Variants in TOP1 observed in about 807,000 individuals in gnomAD.
TOP1 encodes the protein DNA topoisomerase 1.
Under a neutral mutation model 111.1 loss-of-function variants are expected in TOP1, and 10 were observed. The observed-to-expected ratio is 0.09, with a 90% confidence interval of 0.06 to 0.15. TOP1 has a LOEUF of 0.15. Ranked by LOEUF, TOP1 falls within the 10% of genes least tolerant of loss-of-function variation. TOP1 has a pLI of 1.00. For missense variants in TOP1, 474 were observed against 926.7 expected (o/e 0.51, Z 6.34); for synonymous variants, 271 against 302.9 (o/e 0.89, Z 1.10).
intron 8 of TOP1, among the ~76,000 whole-genome samples, chr20:41,090,133 C>A (rs901504871): frequency 1.3e-5 from 2 of 152,018 alleles, no homozygotes; most frequent in African/African-American, 4.8e-5. Context: ...ACCACCACGC[C>A]TGGCTAATTT....
Position 41,034,815 on chromosome 20 carries a change from C to G in TOP1, c.58+5360C>G, listed in dbSNP as rs942743286. 6.6e-6 allele frequency among the ~76,000 whole-genome samples: 1 copy of G among 151,552 alleles called. No individual in the cohort carries two copies. Among genetic ancestry groups the G allele is most frequent in the Non-Finnish European group, 1.5e-5 (1 of 67,968 alleles). On this transcript the variant is annotated intron_variant, in intron 2 of 20. Transcript: ENST00000361337. This position sits in a 1 kb window ranked among gnomAD's most constrained non-coding sequence, Gnocchi z 4.0. ...GTCTTTATGTGTGTCATTTATGTCT[C>G]TTAACGTTTAGTAAGAAAGAAATTC...
At chr20:41,117,594 C>T (rs1390420464) in intron 17 of TOP1, among the ~76,000 whole-genome samples, 3 of 151,726 alleles carry the variant, frequency 2.0e-5, no homozygotes, top group Non-Finnish European at 2.9e-5. Context: ...ACCGTGTTAG[C>T]CAGGATGGTC....
At chr20:41,070,466 C>G (rs965872327) in intron 3 of TOP1, among the ~76,000 whole-genome samples, 8 of 152,102 alleles carry the variant, frequency 5.3e-5, no homozygotes, top group African/African-American at 1.9e-4. Context: ...ATTAAGGAAC[C>G]CTTGTTTCTT....
chr20:41,054,821 G>C (rs2033450013), intron 2 of TOP1, among the ~76,000 whole-genome samples: 2 of 152,186 alleles, frequency 1.3e-5, no homozygotes, highest in African/African-American at 2.4e-5. Context: ...GTAGGAAAAG[G>C]ATTTCTTTTT....
chr20:41,063,558 A>G (rs1483886066), intron 3 of TOP1, among the ~76,000 whole-genome samples: 1 of 152,222 alleles, frequency 6.6e-6, no homozygotes, highest in Non-Finnish European at 1.5e-5. Context: ...ATTCTCATCA[A>G]CAGTGTATAA....
In TOP1 at chr20:41,101,096, T is replaced by C; in HGVS notation, c.1164-113T>C. 8.5e-7 allele frequency: 1 copy of C among 1,170,284 alleles called. No individual in the cohort carries two copies. Among genetic ancestry groups the C allele is most frequent in the Admixed American group, 1.9e-5 (1 of 51,360 alleles). The allele number at this position is 1,170,284 out of a possible 1,614,324, so 72.5% of individuals were successfully genotyped here. A position where few individuals can be genotyped will look rare whatever the true frequency, so the allele number is the denominator to read the frequency against. On this transcript the variant is annotated intron_variant, in intron 12 of 20. Transcript: ENST00000361337. This position sits in a 1 kb window ranked among gnomAD's most constrained non-coding sequence, Gnocchi z 4.1. ...TAAGGTGGGACTACTGTATTGACTGTTAAGAAGGAAACTTGGAAAATTATG... is the reference window on the plus strand; with the variant it reads ...TAAGGTGGGACTACTGTATTGACTGCTAAGAAGGAAACTTGGAAAATTATG...
intron 2 of TOP1, among the ~76,000 whole-genome samples, chr20:41,040,129 C>T (rs2033242833): frequency 6.6e-6 from 1 of 152,184 alleles, no homozygotes; most frequent in Non-Finnish European, 1.5e-5. Flanking sequence ...TACTTAAAGT[C>T]CTGGGAAACT....
In TOP1 at chr20:41,098,234, A is replaced by C. The variant is rs2034009552; in HGVS notation, c.872A>C (p.Lys291Thr). ...DWRKEMTNEE[K>T]NIITNLSKCD... ...GACTAGGAAATGACTAATGAAGAGA[A>C]GAATATTATCACCAACCTAAGCAAA... The change falls in exon 11 of 21, where the codon AAG becomes ACG. Residue 291 changes from lysine (K) to threonine (T), a missense_variant. Coordinates refer to ENST00000361337, the MANE Select transcript of TOP1 (RefSeq NM_003286.4). The surrounding 1 kb of genome is among the most constrained non-coding windows in gnomAD (Gnocchi z 5.7). 6.2e-7 allele frequency: 1 copy of C among 1,613,978 alleles called. No homozygotes were observed. Among genetic ancestry groups the C allele is most frequent in the Non-Finnish European group, 8.5e-7 (1 of 1,179,860 alleles).
chr20:41,088,393 C>T (rs2033873635), intron 8 of TOP1, among the ~76,000 whole-genome samples: 1 of 152,184 alleles, frequency 6.6e-6, no homozygotes, highest in South Asian at 2.1e-4. Context: ...TCCCCAGGTA[C>T]TCAGGAGGCT....
intron 8 of TOP1, among the ~76,000 whole-genome samples, chr20:41,086,292 A>T (rs1426326853): frequency 5.9e-5 from 9 of 151,746 alleles, no homozygotes; most frequent in Non-Finnish European, 1.0e-4. Flanking sequence ...AAAACCCCAC[A>T]TGGGTTTATT....
intron 3 of TOP1, among the ~76,000 whole-genome samples, chr20:41,062,105 C>T (rs1028607258): frequency 2.0e-5 from 3 of 152,156 alleles, no homozygotes; most frequent in African/African-American, 2.4e-5. Context: ...ATTTTGCTCC[C>T]ATTTTTTTGG....
At position 41,122,306 on chromosome 20, in the gene TOP1, C is replaced by T; in HGVS notation, c.2195+151C>T. 1 of 799,386 alleles carries T rather than the reference C, an allele frequency of 1.3e-6. No individual in the cohort carries two copies. Among genetic ancestry groups the T allele is most frequent in the Non-Finnish European group, 2.0e-6 (1 of 494,630 alleles). The allele number at this position is 799,386 out of a possible 1,614,324, so 49.5% of individuals were successfully genotyped here. On this transcript the variant is annotated intron_variant, in intron 20 of 20. Coordinates refer to ENST00000361337, the MANE Select transcript of TOP1 (RefSeq NM_003286.4). This position sits in a 1 kb window ranked among gnomAD's most constrained non-coding sequence, Gnocchi z 5.4. ...TGGCTTCAGCTGTGTACAAGTTACT[C>T]TGGTTGCTGAACCTTGTCTGTAAAT...
intron 3 of TOP1, among the ~76,000 whole-genome samples, chr20:41,068,782 C>T (rs550347004): frequency 6.6e-6 from 1 of 152,108 alleles, no homozygotes; most frequent in Non-Finnish European, 1.5e-5. Context: ...TCACGAGCTA[C>T]CTTTCTTAAA....
rs2033964821 is a variant in TOP1 at position 41,094,997 on chromosome 20, C to CT, written c.731-2222dup. 6.6e-6 allele frequency among the ~76,000 whole-genome samples: 1 copy of CT among 152,162 alleles called. No homozygotes were observed. Among genetic ancestry groups the CT allele is most frequent in the African/African-American group, 2.4e-5 (1 of 41,432 alleles). Reference sequence around the variant, plus strand: ...GGAGGAGTCACAGTTGCTTCTCCCTCTATTAGGACAGAATTCAGTAAAACA... The same window carrying CT: ...GGAGGAGTCACAGTTGCTTCTCCCTCTTATTAGGACAGAATTCAGTAAAACA... On this transcript the variant is annotated intron_variant, in intron 9 of 20. Transcript: ENST00000361337. The surrounding 1 kb of genome is among the most constrained non-coding windows in gnomAD (Gnocchi z 4.4).
At chr20:41,040,864 C>CTGGAA (rs1352016620) in intron 2 of TOP1, among the ~76,000 whole-genome samples, 1 of 151,676 alleles carries the variant, frequency 6.6e-6, no homozygotes, top group Non-Finnish European at 1.5e-5. Context: ...TTCTTATACC[C>CTGGAA]TGGAATGAAT....
At chr20:41,096,374 G>A (rs1195985335) in intron 9 of TOP1, among the ~76,000 whole-genome samples, 2 of 152,174 alleles carry the variant, frequency 1.3e-5, no homozygotes, top group African/African-American at 4.8e-5. Flanking sequence ...AGCCCCTTTA[G>A]ACAGCTTTTA....
intron 2 of TOP1, among the ~76,000 whole-genome samples, chr20:41,051,018 C>A (rs1311337839): frequency 6.6e-6 from 1 of 152,248 alleles, no homozygotes; most frequent in Middle Eastern, 3.4e-3. Context: ...TAAATATTTT[C>A]TTTAAATAAT....
rs941355927 is a variant in TOP1, at chr20:41,028,855, G to A, written c.-213G>A. 7.3e-6 allele frequency: 4 copies of A among 547,640 alleles called. No individual in the cohort carries two copies. The highest frequency in any genetic ancestry group is 2.2e-5 in the South Asian group (1 of 46,472). The allele number at this position is 547,640 out of a possible 1,614,324, so 33.9% of individuals were successfully genotyped here. On this transcript the variant is annotated 5_prime_UTR_variant, in exon 1 of 21. Transcript: ENST00000361337. ...AACTTAGGCTGTTACACAACTGCTG[G>A]GGTCTGTTCTCGCCGCCCGCCCGGC...
rs2033774222 is a variant in TOP1 at position 41,080,285 on chromosome 20, G to T, written c.431+105G>T. 1.5e-6 allele frequency: 1 copy of T among 659,206 alleles called. No individual in the cohort carries two copies. The highest frequency in any genetic ancestry group is 2.5e-6 in the Non-Finnish European group (1 of 394,970). The allele number at this position is 659,206 out of a possible 1,614,324, so 40.8% of individuals were successfully genotyped here. ...ATACATATAGAAACTGCATTAATTG[G>T]CTTTTACTCATTTGGAATTTGTGAT... On this transcript the variant is annotated intron_variant, in intron 6 of 20. Transcript: ENST00000361337. The surrounding 1 kb of genome is among the most constrained non-coding windows in gnomAD (Gnocchi z 5.0).
Sources: allele counts gnomAD v4.1 joint callset (sites outside exome capture counted in the v4.1 genomes callset), GRCh38; gene constraint gnomAD v4.1.1; non-coding constraint Gnocchi (gnomAD v3.1); transcripts MANE v1.5; gene names NCBI Gene and HGNC (gene_info 2026-07-23, HGNC 2026-07-21).